The following PLCH1 variants were observed in gnomAD, a reference collection of about 807,000 sequenced individuals.
The protein encoded by PLCH1 is 1-phosphatidylinositol 4,5-bisphosphate phosphodiesterase eta-1.
In PLCH1, 60 loss-of-function variants were observed where a neutral mutation model predicts 126.7. The ratio of observed to expected loss-of-function variants is 0.47; its 90% CI spans 0.38 to 0.59. The LOEUF is 0.59. Among genes scored for constraint, PLCH1 ranks in the 20% least tolerant of loss-of-function variants. The probability of loss-of-function intolerance (pLI) is 0.00; values close to 1 mark genes in which losing one functional copy is unlikely to be tolerated. For synonymous variants in PLCH1, 719 were observed against 734.9 expected (o/e 0.98, Z 0.35); for missense variants, 1,723 against 2,040.0 (o/e 0.84, Z 2.99).
At chr3:155,461,488 A>G (rs1488335591) in intron 21 of PLCH1, among the ~76,000 whole-genome samples, 1 of 152,178 alleles carries the variant, frequency 6.6e-6, no homozygotes, top group African/African-American at 2.4e-5. Context: ...AGAAAATGGT[A>G]CTTTTAAGAA....
chr3:155,490,710 T>C, intron 19 of PLCH1, 74 bp downstream of exon 19: 2 of 852,518 alleles, frequency 2.3e-6, no homozygotes, highest in East Asian at 4.9e-5. Flanking sequence ...CTCTTCTACA[T>C]AGACACTTTT....
chr3:155,559,538 T>G (rs1434231576), intron 8 of PLCH1, among the ~76,000 whole-genome samples: 2 of 152,096 alleles, frequency 1.3e-5, no homozygotes, highest in Non-Finnish European at 2.9e-5. Flanking sequence ...AGAAAAACAT[T>G]CCAGAAATAG....
chr3:155,482,453 C>T lies in PLCH1; in HGVS notation c.3573G>A (p.Leu1191=). The T allele has an allele frequency of 6.2e-7, 1 of 1,614,162 alleles. No individual in the cohort carries two copies. The highest frequency in any genetic ancestry group is 2.2e-5 in the East Asian group (1 of 44,882). ...ENEPGSSISA[L]IGQFDETNNQ... ...TGTTGGTCTCATCAAACTGGCCAAT[C>T]AGGGCTGAGATGGAACTGCCCGGCT... Residue 1191 remains leucine, a synonymous_variant, in exon 23 of 23, where the codon CTG becomes CTA. Transcript: ENST00000460012.
chr3:155,721,924 G>A (rs956738793), intron 1 of PLCH1, among the ~76,000 whole-genome samples: 1 of 152,020 alleles, frequency 6.6e-6, no homozygotes. Flanking sequence ...GCACATGCCT[G>A]TAATCTCAGC....
At chr3:155,653,182 G>GAT in intron 2 of PLCH1, among the ~76,000 whole-genome samples, 1 of 123,476 alleles carries the variant, frequency 8.1e-6, no homozygotes, top group East Asian at 2.9e-4. Context: ...TATAGATATA[G>GAT]ATATAGATAT....
At chr3:155,614,732 T>G (rs1735570477) in intron 2 of PLCH1, among the ~76,000 whole-genome samples, 1 of 152,168 alleles carries the variant, frequency 6.6e-6, no homozygotes, top group South Asian at 2.1e-4. Flanking sequence ...GCAAGCCACA[T>G]GTAGAAGAAT....
intron 21 of PLCH1, among the ~76,000 whole-genome samples, chr3:155,452,904 A>G (rs902105821): frequency 6.6e-6 from 1 of 152,166 alleles, no homozygotes; most frequent in Non-Finnish European, 1.5e-5. Flanking sequence ...TCTGTGACTA[A>G]CTGAAATATA....
At chr3:155,740,057 C>T (rs533847791) in intron 1 of PLCH1, among the ~76,000 whole-genome samples, 4 of 152,220 alleles carry the variant, frequency 2.6e-5, no homozygotes, top group Non-Finnish European at 4.4e-5. Context: ...TTAGACATAG[C>T]GTGTGTACCA....
intron 7 of PLCH1, 76 bp downstream of exon 7, chr3:155,568,155 C>A: frequency 1.5e-6 from 1 of 678,704 alleles, no homozygotes; most frequent in South Asian, 1.8e-5. Flanking sequence ...GATTTCTTTT[C>A]CTAAAAACTT....
chr3:155,518,309 C>A (rs1720624520), intron 11 of PLCH1, among the ~76,000 whole-genome samples: 1 of 152,162 alleles, frequency 6.6e-6, no homozygotes. Context: ...AGCTGCTGAA[C>A]CCTGTTTAAG....
At chr3:155,543,720 T>TG (rs1423577811) in intron 10 of PLCH1, among the ~76,000 whole-genome samples, 19 of 151,066 alleles carry the variant, frequency 1.3e-4, no homozygotes, top group African/African-American at 4.6e-4. Flanking sequence ...CAGAAGAGAG[T>TG]GGGGGCCAAT....
At position 155,554,096 on chromosome 3, in the gene PLCH1, C is replaced by T; in HGVS notation, c.1170G>A (p.Lys390=). The part of the protein sequence containing the change: ...LFRDVVETIN[K]HAFVKNEFPV... ...CTTACTCATTCTTCACAAAGGCATG[C>T]TTGTTGATGGTCTCCACAACATCTC... The change falls in exon 9 of 23, where the codon AAG becomes AAA. Residue 390 remains lysine, a synonymous_variant. Coordinates refer to ENST00000460012, the MANE Select transcript of PLCH1 (RefSeq NM_014996.4). 1 of 1,613,914 alleles carries T rather than the reference C, an allele frequency of 6.2e-7. No homozygotes were observed. The highest frequency in any genetic ancestry group is 1.1e-5 in the South Asian group (1 of 91,074).
rs750786064 is a variant in PLCH1 at position 155,494,522 on chromosome 3, C to A, written c.1895-5G>T. The A allele has an allele frequency of 2.0e-6, 3 of 1,533,686 alleles. No homozygotes were observed. The African/African-American group carries it at 6.3e-5, about 32-fold the overall frequency. ...ATAACACATTTCCTGTGGTTCCTGG[C>A]AGTTTTTAATCGAGAAAAAAGGAAG... is the stretch of plus-strand genomic sequence containing the variant. On this transcript the variant is annotated splice_polypyrimidine_tract_variant and splice_region_variant and intron_variant, in intron 15 of 22. Transcript: ENST00000460012.
intron 2 of PLCH1, among the ~76,000 whole-genome samples, chr3:155,649,707 G>T (rs578160295): frequency 7.9e-5 from 12 of 152,134 alleles, no homozygotes; most frequent in Non-Finnish European, 1.6e-4. Flanking sequence ...GGCCGGGCGC[G>T]GTGGCTCACA....
At position 155,663,424 on chromosome 3, in the gene PLCH1, G is replaced by A. The variant is rs575966146; in HGVS notation, c.79+40722C>T. ...CTAATTCTATCACTAACTAACTGCT[G>A]AAACCTTTTGCTCTCTTTCCGCTTT... On this transcript the variant is annotated intron_variant, in intron 2 of 22. Coordinates refer to ENST00000460012, the MANE Select transcript of PLCH1 (RefSeq NM_014996.4). Among the ~76,000 whole-genome samples the A allele has an allele frequency of 8.9e-4, 135 of 152,250 alleles. 1 individual carries two copies. Among genetic ancestry groups the A allele is most frequent in the Non-Finnish European group, 9.4e-4 (64 of 68,024 alleles).
intron 2 of PLCH1, among the ~76,000 whole-genome samples, chr3:155,685,251 A>T (rs1036496828): frequency 6.6e-6 from 1 of 152,232 alleles, no homozygotes; most frequent in Admixed American, 6.5e-5. Context: ...CAATTGTGAG[A>T]TACGGTAAGG....
chr3:155,504,661 T>A (rs763088127), intron 12 of PLCH1, 35 bp from the exon 13 acceptor site: 2 of 1,398,116 alleles, frequency 1.4e-6, no homozygotes, highest in African/African-American at 1.4e-5. Flanking sequence ...ACTATTTATC[T>A]TCTTTGCTTT....
chr3:155,503,425 A>C (rs1718190651), intron 13 of PLCH1, among the ~76,000 whole-genome samples: 1 of 152,072 alleles, frequency 6.6e-6, no homozygotes, highest in African/African-American at 2.4e-5. Context: ...GTTGTTAACT[A>C]TTCTCTTATA....
chr3:155,721,516 G>A (rs1233287434), intron 1 of PLCH1, among the ~76,000 whole-genome samples: 1 of 151,962 alleles, frequency 6.6e-6, no homozygotes, highest in African/African-American at 2.4e-5. Flanking sequence ...CAGCTTGGTC[G>A]CTGTTCATGT....
Sources: allele counts gnomAD v4.1 joint callset (sites outside exome capture counted in the v4.1 genomes callset), GRCh38; gene constraint gnomAD v4.1.1; transcripts MANE v1.5; gene names NCBI Gene and HGNC (gene_info 2026-07-23, HGNC 2026-07-21).